The following PCDHA13 variants were observed in gnomAD, a reference collection of about 807,000 sequenced individuals.
PCDHA13 encodes the protein protocadherin alpha 13.
A neutral mutation model predicts 64.8 loss-of-function variants in PCDHA13; 54 were observed. That is an observed-to-expected ratio of 0.83 (90% CI 0.67 to 1.04). PCDHA13 has a LOEUF of 1.04. Among genes scored for constraint, PCDHA13 ranks in the 50% least tolerant of loss-of-function variants. The probability of loss-of-function intolerance (pLI) is 0.00; values close to 1 mark genes in which losing one functional copy is unlikely to be tolerated. For synonymous variants in PCDHA13, 587 were observed against 564.4 expected (o/e 1.04, Z -0.57); for missense variants, 1,248 against 1,254.3 (o/e 0.99, Z 0.08).
At chr5:141,001,653 G>A (rs2098030504) in intron 3 of PCDHA13, among the ~76,000 whole-genome samples, 1 of 152,182 alleles carries the variant, frequency 6.6e-6, no homozygotes, top group African/African-American at 2.4e-5. Context: ...TGTGGGAGAA[G>A]GCGGAGCTTG....
Position 140,883,665 on chromosome 5 carries a change from A to G in PCDHA13, c.1397A>G (p.Glu466Gly), listed in dbSNP as rs782383703. 3.7e-6 allele frequency: 6 copies of G among 1,613,494 alleles called. No individual in the cohort carries two copies. The African/African-American group carries it at 8.0e-5, about 22-fold the overall frequency. The change falls in exon 1 of 4, where the codon GAA (glutamate) becomes GGA (glycine). Residue 466 changes from glutamate to glycine, a missense_variant. Physicochemically the swap from Glu to Gly is moderately conservative, Grantham distance 98 (BLOSUM62 -2). Transcript: ENST00000289272. ...CCCGAGTACACGGTGTTCGTGAAGG[A>G]AAACAATCCGCCGGGCTGCCACATC... ...AQPEYTVFVK[E>G]NNPPGCHIFT... is the part of the protein sequence containing the mutation.
chr5:140,961,985 G>A (rs782724308), intron 1 of PCDHA13, among the ~76,000 whole-genome samples: 30 of 151,692 alleles, frequency 2.0e-4, no homozygotes, highest in Non-Finnish European at 4.0e-4. Context: ...CTGGGTTCAC[G>A]CCATTGTCCT....
chr5:140,957,652 A>G (rs2095373583), intron 1 of PCDHA13, among the ~76,000 whole-genome samples: 1 of 152,132 alleles, frequency 6.6e-6, no homozygotes, highest in African/African-American at 2.4e-5. Flanking sequence ...TAAATATTCA[A>G]TCATGGAGTA....
Position 140,889,101 on chromosome 5 carries a change from T to C in PCDHA13, c.2394+4439T>C, listed in dbSNP as rs115792966. On this transcript the variant is annotated intron_variant, in intron 1 of 3. Transcript: ENST00000289272. ...TTAAATTTTCAAAACAATTTTTTCA[T>C]CTTTATTCCAGGTGATACTGATATG... Among the ~76,000 whole-genome samples the C allele has an allele frequency of 7.5e-3, 1,145 of 152,066 alleles. 15 individuals carry two copies. Among genetic ancestry groups the C allele is most frequent in the African/African-American group, 0.026 (1,085 of 41,518 alleles).
chr5:140,926,936 G>A, intron 1 of PCDHA13: 1 of 1,580,648 alleles, frequency 6.3e-7, no homozygotes, highest in Non-Finnish European at 8.6e-7. Context: ...TGGGTTTCCT[G>A]CGGCGCTGCA....
At chr5:140,989,851 G>C (rs1247481417) in intron 3 of PCDHA13, among the ~76,000 whole-genome samples, 1 of 152,106 alleles carries the variant, frequency 6.6e-6, no homozygotes, top group Non-Finnish European at 1.5e-5. Context: ...TGTGTGGACT[G>C]GAGAGGAATC....
intron 1 of PCDHA13, among the ~76,000 whole-genome samples, chr5:140,940,805 A>G (rs957278090): frequency 6.6e-6 from 1 of 152,202 alleles, no homozygotes. Context: ...ATTTGCCAGG[A>G]TATCCTGAGA....
intron 1 of PCDHA13, among the ~76,000 whole-genome samples, chr5:140,935,749 A>G (rs1245640487): frequency 6.6e-6 from 1 of 152,172 alleles, no homozygotes; most frequent in African/African-American, 2.4e-5. Flanking sequence ...ATTCCATACA[A>G]TACACATTCT....
intron 1 of PCDHA13, among the ~76,000 whole-genome samples, chr5:140,933,012 A>G (rs1554209160): frequency 6.6e-6 from 1 of 152,008 alleles, no homozygotes; most frequent in Middle Eastern, 3.2e-3. Flanking sequence ...CGGAAATATT[A>G]ACACTTGGCA....
chr5:140,992,823 T>A (rs1261484178), intron 3 of PCDHA13, among the ~76,000 whole-genome samples: 1 of 152,140 alleles, frequency 6.6e-6, no homozygotes, highest in Non-Finnish European at 1.5e-5. Flanking sequence ...ATGTGTTTGT[T>A]TTTTGGGAAC....
chr5:140,898,275 T>C (rs13181478), intron 1 of PCDHA13, among the ~76,000 whole-genome samples: 1 of 152,166 alleles, frequency 6.6e-6, no homozygotes, highest in Non-Finnish European at 1.5e-5. Context: ...ATGCCTAAGT[T>C]CTGAATGGTA....
Position 140,884,543 on chromosome 5 carries a change from T to A in PCDHA13, c.2275T>A (p.Cys759Ser), listed in dbSNP as rs1582792528. The A allele has an allele frequency of 6.2e-7, 1 of 1,614,034 alleles. No individual in the cohort carries two copies. Among genetic ancestry groups the A allele is most frequent in the Non-Finnish European group, 8.5e-7 (1 of 1,180,030 alleles). Residue 759 changes from cysteine to serine, a missense_variant, in exon 1 of 4, where the codon TGC (cysteine) becomes AGC (serine). Physicochemically the swap from Cys to Ser is moderately radical, Grantham distance 112. Coordinates refer to ENST00000289272, the MANE Select transcript of PCDHA13 (RefSeq NM_018904.3). The part of the protein sequence containing the change: ...SYSQQRRPRV[C>S]SGEGPHKTDL... Reference sequence around the variant, plus strand: ...CTCGCAGCAGAGGCGGCCGAGGGTGTGCTCTGGGGAGGGCCCGCATAAGAC... The same window carrying A: ...CTCGCAGCAGAGGCGGCCGAGGGTGAGCTCTGGGGAGGGCCCGCATAAGAC...
intron 1 of PCDHA13, among the ~76,000 whole-genome samples, chr5:140,914,220 C>T (rs1210445622): frequency 6.6e-6 from 1 of 152,212 alleles, no homozygotes; most frequent in South Asian, 2.1e-4. Flanking sequence ...TCTCTTTTAG[C>T]TCTAATACTA....
At chr5:140,916,628 C>T (rs1311862991) in intron 1 of PCDHA13, among the ~76,000 whole-genome samples, 1 of 152,188 alleles carries the variant, frequency 6.6e-6, no homozygotes, top group Non-Finnish European at 1.5e-5. Context: ...ACTCAATGCC[C>T]TATCCTACTG....
chr5:140,976,927 G>A (rs1322531610), intron 1 of PCDHA13, among the ~76,000 whole-genome samples: 2 of 152,184 alleles, frequency 1.3e-5, no homozygotes, highest in Admixed American at 1.3e-4. Context: ...CTAGTACTGT[G>A]TAGCTACTTA....
At chr5:140,969,382 TC>T in intron 1 of PCDHA13, 1 of 1,597,954 alleles carries the variant, frequency 6.3e-7, no homozygotes, top group Non-Finnish European at 8.5e-7. Flanking sequence ...TTGTTACACA[TC>T]CCCCAATATC....
intron 1 of PCDHA13, chr5:140,967,903 A>C: frequency 6.2e-7 from 1 of 1,614,112 alleles, no homozygotes; most frequent in Non-Finnish European, 8.5e-7. Flanking sequence ...AGAATGCTAC[A>C]CCCAACACCA....
At chr5:140,995,559 A>G (rs2097689300) in intron 3 of PCDHA13, among the ~76,000 whole-genome samples, 1 of 152,242 alleles carries the variant, frequency 6.6e-6, no homozygotes, top group South Asian at 2.1e-4. Context: ...TGTACTGAAT[A>G]ATATGTCAAG....
At chr5:140,889,745 T>G (rs1295441616) in intron 1 of PCDHA13, among the ~76,000 whole-genome samples, 2 of 152,202 alleles carry the variant, frequency 1.3e-5, no homozygotes, top group Non-Finnish European at 2.9e-5. Flanking sequence ...CAGAGTCTAA[T>G]TTTTCTTTCC....
Sources: gnomAD v4.1 joint callset for allele counts (sites outside exome capture counted in the v4.1 genomes callset) on GRCh38, gnomAD v4.1.1 for gene constraint, MANE v1.5 for transcripts, NCBI Gene and HGNC (gene_info 2026-07-23, HGNC 2026-07-21) for gene names.